Variants in RAB8B observed in about 807,000 individuals in gnomAD.
The protein encoded by RAB8B is ras-related protein Rab-8B.
In RAB8B, 11 loss-of-function variants were observed where a neutral mutation model predicts 32.0. The observed-to-expected ratio is 0.34, with a 90% CI of 0.22 to 0.57. RAB8B has a LOEUF of 0.57. Among genes scored for constraint, RAB8B ranks in the 20% least tolerant of loss-of-function variants. RAB8B has a pLI of 0.86. For synonymous variants in RAB8B, 103 were observed against 89.6 expected, an observed-to-expected ratio of 1.15 and a Z score of -0.85; for missense variants, 190 against 258.5, an observed-to-expected ratio of 0.73 and a Z score of 1.82.
rs79128497 is a variant in RAB8B at position 63,212,251 on chromosome 15, A to G, written c.124+22503A>G. ...ACTAGTTCGCAGCAAAAAACAAACA[A>G]CGAAAACTTGATATCCAGGTTGTTC... On this transcript the variant is annotated intron_variant, in intron 1 of 7. Coordinates refer to ENST00000321437, the MANE Select transcript of RAB8B (RefSeq NM_016530.3). 2.8e-3 allele frequency among the ~76,000 whole-genome samples: 423 copies of G among 152,264 alleles called. 2 individuals are homozygous for G. The highest frequency in any genetic ancestry group is 9.7e-3 in the African/African-American group (404 of 41,548).
chr15:63,190,471 A>G (rs996069134), intron 1 of RAB8B, among the ~76,000 whole-genome samples: 4 of 152,108 alleles, frequency 2.6e-5, no homozygotes, highest in Admixed American at 6.6e-5. Context: ...CATCATAGTA[A>G]AGGGAGGTTG....
chr15:63,224,501 C>G (rs1358908588), intron 1 of RAB8B, among the ~76,000 whole-genome samples: 2 of 152,150 alleles, frequency 1.3e-5, no homozygotes, highest in Admixed American at 1.3e-4. Flanking sequence ...ATTGCCCCAT[C>G]TCCTTAACAT....
At chr15:63,237,932 A>G (rs1044743099) in intron 1 of RAB8B, among the ~76,000 whole-genome samples, 4 of 152,230 alleles carry the variant, frequency 2.6e-5, no homozygotes, top group African/African-American at 9.6e-5. Context: ...GTGGGGGTCT[A>G]GTTTCATTCT....
At chr15:63,238,287 G>C (rs2038000663) in intron 1 of RAB8B, among the ~76,000 whole-genome samples, 1 of 151,780 alleles carries the variant, frequency 6.6e-6, no homozygotes, top group African/African-American at 2.4e-5. Context: ...TCTTGCTGCT[G>C]TTGGTGTGAT....
chr15:63,218,904 CA>C (rs960066115), intron 1 of RAB8B, among the ~76,000 whole-genome samples: 36 of 148,106 alleles, frequency 2.4e-4, no homozygotes, highest in African/African-American at 8.7e-4. Context: ...TTAAGTTTAA[CA>C]AATATTTTAG....
chr15:63,225,458 A>T (rs2037880844), intron 1 of RAB8B, among the ~76,000 whole-genome samples: 2 of 152,202 alleles, frequency 1.3e-5, no homozygotes, highest in African/African-American at 4.8e-5. Context: ...CATTTTTGCC[A>T]TTTGTGAGAG....
At chr15:63,220,360 T>C (rs1283299100) in intron 1 of RAB8B, among the ~76,000 whole-genome samples, 2 of 152,190 alleles carry the variant, frequency 1.3e-5, no homozygotes, top group African/African-American at 4.8e-5. Context: ...TTTAAGAAAA[T>C]TATTCTAGAA....
chr15:63,217,461 C>T (rs1247434384), intron 1 of RAB8B, among the ~76,000 whole-genome samples: 2 of 152,088 alleles, frequency 1.3e-5, no homozygotes, highest in South Asian at 2.1e-4. Flanking sequence ...AAGCCTTAAC[C>T]AAGACGATTG....
At chr15:63,260,818 A>C (rs1567022181) in intron 6 of RAB8B, among the ~76,000 whole-genome samples, 1 of 152,188 alleles carries the variant, frequency 6.6e-6, no homozygotes, top group Non-Finnish European at 1.5e-5. Context: ...TTTTAATAAT[A>C]CTGATAGTTT....
intron 1 of RAB8B, 131 bp downstream of exon 1, chr15:63,189,879 TGAGAGGGGCGAGGGCGTGAGG>T (rs61017671): frequency 3.9e-5 from 36 of 913,982 alleles, no homozygotes; most frequent in South Asian, 1.7e-4. Flanking sequence ...GCGGGGGCAC[TGAGAGGGGCGAGGGCGTGAGG>T]GAGAGGGGCG....
At chr15:63,199,637 G>T (rs953856115) in intron 1 of RAB8B, among the ~76,000 whole-genome samples, 1 of 152,076 alleles carries the variant, frequency 6.6e-6, no homozygotes, top group Non-Finnish European at 1.5e-5. Context: ...TGGCCCTTCA[G>T]CGTTCAACTT....
At chr15:63,201,304 A>G (rs773104668) in intron 1 of RAB8B, among the ~76,000 whole-genome samples, 42 of 152,224 alleles carry the variant, frequency 2.8e-4, no homozygotes, top group Admixed American at 1.2e-3. Flanking sequence ...GAAGGGCTCT[A>G]GGAGGGAATT....
intron 1 of RAB8B, among the ~76,000 whole-genome samples, chr15:63,229,023 A>T (rs938079680): frequency 6.6e-6 from 1 of 152,254 alleles, no homozygotes; most frequent in Non-Finnish European, 1.5e-5. Context: ...ATGGTTGCAG[A>T]CAGTGCATTT....
At chr15:63,216,247 G>C (rs1395676519) in intron 1 of RAB8B, among the ~76,000 whole-genome samples, 4 of 125,466 alleles carry the variant, frequency 3.2e-5, no homozygotes, top group Admixed American at 8.6e-5. Context: ...TTTTTTTTTG[G>C]AGACAGAGTC....
At chr15:63,203,736 G>T (rs2037672166) in intron 1 of RAB8B, among the ~76,000 whole-genome samples, 1 of 152,172 alleles carries the variant, frequency 6.6e-6, no homozygotes, top group East Asian at 1.9e-4. Context: ...TCCAAATGAG[G>T]TAATTGAGGC....
chr15:63,260,116 A>T (rs1277149383), intron 6 of RAB8B, among the ~76,000 whole-genome samples: 1 of 152,234 alleles, frequency 6.6e-6, no homozygotes, highest in African/African-American at 2.4e-5. Context: ...TACAGGCGTG[A>T]GCCACCATAC....
intron 1 of RAB8B, among the ~76,000 whole-genome samples, chr15:63,243,824 A>C (rs1168105804): frequency 6.6e-6 from 1 of 152,106 alleles, no homozygotes; most frequent in Non-Finnish European, 1.5e-5. Flanking sequence ...TATTTAGCTC[A>C]TGGTTCTGGA....
At chr15:63,203,032 G>A (rs1282510108) in intron 1 of RAB8B, among the ~76,000 whole-genome samples, 1 of 152,222 alleles carries the variant, frequency 6.6e-6, no homozygotes, top group Non-Finnish European at 1.5e-5. Flanking sequence ...AAAAAGATTA[G>A]GAGCAGGGCT....
At chr15:63,244,596 C>G (rs1346398893) in intron 1 of RAB8B, among the ~76,000 whole-genome samples, 160 bp from the exon 2 acceptor site, 2 of 152,172 alleles carry the variant, frequency 1.3e-5, no homozygotes, top group African/African-American at 4.8e-5. Flanking sequence ...ATTCCTTTCT[C>G]CAGCCTGTAT....
Sources: allele counts gnomAD v4.1 joint callset (sites outside exome capture counted in the v4.1 genomes callset), GRCh38; gene constraint gnomAD v4.1.1; transcripts MANE v1.5; gene names NCBI Gene and HGNC (gene_info 2026-07-23, HGNC 2026-07-21).